The following AFDN variants were observed in gnomAD, a reference collection of about 807,000 sequenced individuals.
AFDN encodes afadin, adherens junction formation factor, also known as afadin.
In AFDN, 68 loss-of-function variants were observed where a neutral mutation model predicts 216.6. The ratio of observed to expected loss-of-function variants is 0.31; its 90% CI spans 0.26 to 0.38. The LOEUF is 0.38. AFDN is among the 10% of genes least tolerant of loss of function. The pLI, the probability that AFDN is intolerant of heterozygous loss-of-function variation, is 1.00. For missense variants in AFDN, 2,136 were observed against 2,342.0 expected, an observed-to-expected ratio of 0.91 and a Z score of 1.82; for synonymous variants, 868 against 853.7, an observed-to-expected ratio of 1.02 and a Z score of -0.29.
chr6:167,828,188 C>A (rs1779419461), intron 1 of AFDN, among the ~76,000 whole-genome samples: 1 of 152,128 alleles, frequency 6.6e-6, no homozygotes, highest in Non-Finnish European at 1.5e-5. Flanking sequence ...TTAATAGCGT[C>A]TATTTTTGAT....
chr6:167,937,269 C>T (rs1227361262), intron 23 of AFDN, among the ~76,000 whole-genome samples: 1 of 152,204 alleles, frequency 6.6e-6, no homozygotes, highest in African/African-American at 2.4e-5. Flanking sequence ...GTTTTGTCTT[C>T]TGTGTCTAAG....
At chr6:167,935,796 G>A (rs1286430348) in intron 23 of AFDN, among the ~76,000 whole-genome samples, 1 of 149,762 alleles carries the variant, frequency 6.7e-6, no homozygotes. Context: ...TTTTCTTTTG[G>A]TTGGAAATCA....
chr6:167,929,450 A>G (rs1792999526), intron 23 of AFDN, among the ~76,000 whole-genome samples: 1 of 152,208 alleles, frequency 6.6e-6, no homozygotes, highest in South Asian at 2.1e-4. Context: ...GATGTGTCTG[A>G]TGTGCATGTC....
At chr6:167,843,232 T>C (rs2128136537) in intron 1 of AFDN, among the ~76,000 whole-genome samples, 1 of 152,276 alleles carries the variant, frequency 6.6e-6, no homozygotes, top group South Asian at 2.1e-4. Context: ...TACATTAATG[T>C]CCCCAATATT....
chr6:167,967,808 C>T (rs1284498890), intron 32 of AFDN, among the ~76,000 whole-genome samples: 1 of 152,152 alleles, frequency 6.6e-6, no homozygotes, highest in African/African-American at 2.4e-5. Context: ...CTTGTGTCCT[C>T]CTCATTTCAC....
chr6:167,963,226 T>TGA, intron 31 of AFDN: 1 of 1,064,866 alleles, frequency 9.4e-7, no homozygotes, highest in Non-Finnish European at 1.1e-6. Context: ...TCTCCATATC[T>TGA]CCCTTTGTCC....
At chr6:167,909,770 C>T (rs1300757302) in intron 13 of AFDN, among the ~76,000 whole-genome samples, 3 of 152,160 alleles carry the variant, frequency 2.0e-5, no homozygotes, top group Non-Finnish European at 4.4e-5. Flanking sequence ...TCATTAATAT[C>T]CCCACAATTT....
chr6:167,921,818 A>T (rs1791850981), intron 21 of AFDN, among the ~76,000 whole-genome samples: 1 of 152,186 alleles, frequency 6.6e-6, no homozygotes, highest in South Asian at 2.1e-4. Context: ...TAAAAAAAAA[A>T]ACTAAGTAAA....
intron 30 of AFDN, among the ~76,000 whole-genome samples, chr6:167,961,753 G>C (rs2128743708): frequency 6.6e-6 from 1 of 152,328 alleles, no homozygotes; most frequent in South Asian, 2.1e-4. Context: ...ACAGAAGAGA[G>C]CCGAGATAGG....
At chr6:167,844,172 A>G (rs145457933) in intron 1 of AFDN, among the ~76,000 whole-genome samples, 5,233 of 136,190 alleles carry the variant, frequency 0.038, 98 homozygotes, top group African/African-American at 0.053. Context: ...TAGACTCAAA[A>G]ATGAAGTGTG....
At chr6:167,943,050 T>G in intron 23 of AFDN, 79 bp from the exon 24 acceptor site, 1 of 1,186,454 alleles carries the variant, frequency 8.4e-7, no homozygotes, top group Non-Finnish European at 1.2e-6. Flanking sequence ...GGTGGTTTTA[T>G]TTTTGTTTTA....
At chr6:167,904,896 G>A (rs536030997) in intron 12 of AFDN, among the ~76,000 whole-genome samples, 3 of 152,098 alleles carry the variant, frequency 2.0e-5, no homozygotes, top group Non-Finnish European at 4.4e-5. Context: ...CGAAGCCCCT[G>A]GTGGCTTCCC....
chr6:167,911,250 T>A (rs779399704), intron 14 of AFDN, 34 bp from the exon 15 acceptor site: 2 of 1,605,690 alleles, frequency 1.2e-6, no homozygotes, highest in Non-Finnish European at 1.7e-6. Flanking sequence ...TATTCTTTTT[T>A]CCTTTTTTCT....
intron 2 of AFDN, among the ~76,000 whole-genome samples, chr6:167,865,906 C>A (rs1477687647): frequency 6.6e-6 from 1 of 151,678 alleles, no homozygotes; most frequent in Non-Finnish European, 1.5e-5. Flanking sequence ...CTTTTTCCCT[C>A]AGTAGTATGT....
intron 9 of AFDN, among the ~76,000 whole-genome samples, chr6:167,894,296 T>C (rs1787967055): frequency 6.6e-6 from 1 of 152,170 alleles, no homozygotes; most frequent in Non-Finnish European, 1.5e-5. Flanking sequence ...GTGCCGTTAC[T>C]GTCTGTTGTG....
At chr6:167,913,967 G>C (rs1397875242) in intron 16 of AFDN, 3 of 556,530 alleles carry the variant, frequency 5.4e-6, no homozygotes, top group Non-Finnish European at 9.5e-6. Context: ...TGAATCCTAA[G>C]AAATAGTTGC....
In AFDN at chr6:167,914,307, C is replaced by A; in HGVS notation, c.2198C>A (p.Ala733Glu). The A allele has an allele frequency of 6.2e-7, 1 of 1,610,788 alleles. No individual in the cohort carries two copies. The stretch of plus-strand genomic sequence containing the variant: ...GTTTTAGCACATTTGGTTCAAATGG[C>A]ATTTAAGTAAGGAACACATTTTTGA... ...QDVLAHLVQM[A>E]FKYLVHCLQS... Residue 733 changes from alanine to glutamate, a missense_variant, in exon 17 of 34, where the codon GCA (alanine) becomes GAA (glutamate). Physicochemically the swap from Ala to Glu is moderately radical, Grantham distance 107. This residue lies in a region of AFDN where 817 missense variants were observed against 965.7 expected (regional missense o/e 0.85). Transcript: ENST00000683244.
Position 167,951,446 on chromosome 6 carries a change from C to A in AFDN, c.4092C>A (p.Ser1364=). ...AAIPATPVAV[S]QPIRTDLPPP... ...TACCGGCCACCCCTGTGGCCGTCTCCCAGCCAATCCGAACAGACCTGCCTC... is the reference window on the plus strand; with the variant it reads ...TACCGGCCACCCCTGTGGCCGTCTCACAGCCAATCCGAACAGACCTGCCTC... The change falls in exon 30 of 34, where the codon TCC becomes TCA. Residue 1364 remains serine (S), a synonymous_variant. Transcript: ENST00000683244. This position sits in a 1 kb window ranked among gnomAD's most constrained non-coding sequence, Gnocchi z 7.1. The A allele has an allele frequency of 6.2e-7, 1 of 1,614,164 alleles. No homozygotes were observed. Among genetic ancestry groups the A allele is most frequent in the Non-Finnish European group, 8.5e-7 (1 of 1,180,032 alleles).
At chr6:167,868,876 C>G (rs1043299670) in intron 2 of AFDN, among the ~76,000 whole-genome samples, 2 of 151,758 alleles carry the variant, frequency 1.3e-5, no homozygotes, top group African/African-American at 4.8e-5. Context: ...GATTCTCCCC[C>G]CTCAGCCCTC....
Sources: allele counts gnomAD v4.1 joint callset (sites outside exome capture counted in the v4.1 genomes callset), GRCh38; gene constraint gnomAD v4.1.1; regional missense constraint gnomAD v4.1.1; non-coding constraint Gnocchi (gnomAD v3.1); transcripts MANE v1.5; gene names NCBI Gene and HGNC (gene_info 2026-07-23, HGNC 2026-07-21).